CEP112: variants seen among roughly 807,000 people sequenced by gnomAD.
CEP112 encodes the protein centrosomal protein of 112 kDa.
Under a neutral mutation model 153.0 loss-of-function variants are expected in CEP112, and 127 were observed. The ratio of observed to expected loss-of-function variants is 0.83; its 90% confidence interval spans 0.72 to 0.96. CEP112 has a LOEUF of 0.96. Ranked by LOEUF, CEP112 falls within the 40% of genes least tolerant of loss-of-function variation. The probability of loss-of-function intolerance (pLI) is 0.00; values close to 1 mark genes in which losing one functional copy is unlikely to be tolerated. For synonymous variants in CEP112, 358 were observed against 374.4 expected (o/e 0.96, Z 0.51); for missense variants, 1,089 against 1,101.2 (o/e 0.99, Z 0.16).
chr17:66,120,015 T>C (rs1431179833), intron 6 of CEP112, among the ~76,000 whole-genome samples: 1 of 152,226 alleles, frequency 6.6e-6, no homozygotes, highest in Admixed American at 6.5e-5. Context: ...TCTTTATATA[T>C]TCTGGATAAA....
chr17:66,081,712 C>G (rs1179049671), intron 8 of CEP112, among the ~76,000 whole-genome samples: 1 of 151,444 alleles, frequency 6.6e-6, no homozygotes, highest in African/African-American at 2.4e-5. Context: ...GTCAGGAGTT[C>G]AAGACCAGCC....
chr17:65,866,038 G>T (rs927150975), intron 20 of CEP112, among the ~76,000 whole-genome samples: 5 of 152,050 alleles, frequency 3.3e-5, no homozygotes, highest in Non-Finnish European at 5.9e-5. Context: ...TGCTCTAGGG[G>T]TCTAGAAGCA....
chr17:65,755,104 A>G (rs1198347594), intron 21 of CEP112, among the ~76,000 whole-genome samples: 5 of 152,192 alleles, frequency 3.3e-5, no homozygotes, highest in Admixed American at 1.3e-4. Context: ...AAAGAAAAAA[A>G]AATACAAATA....
At chr17:66,090,484 T>C (rs2068092194) in intron 8 of CEP112, among the ~76,000 whole-genome samples, 2 of 152,048 alleles carry the variant, frequency 1.3e-5, no homozygotes, top group Admixed American at 6.6e-5. Context: ...AAATAGCCTG[T>C]CATGAAAATA....
chr17:66,005,801 G>A, intron 16 of CEP112, 32 bp from the exon 17 acceptor site: 2 of 1,572,984 alleles, frequency 1.3e-6, no homozygotes, highest in South Asian at 1.2e-5. Context: ...AAATTTATTG[G>A]AAGACGAGTA....
At chr17:65,893,670 A>G (rs971895518) in intron 20 of CEP112, among the ~76,000 whole-genome samples, 2 of 152,114 alleles carry the variant, frequency 1.3e-5, no homozygotes, top group African/African-American at 4.8e-5. Context: ...TATTTATAAA[A>G]TATTTTCTGT....
intron 21 of CEP112, among the ~76,000 whole-genome samples, chr17:65,801,207 T>C (rs1011419349): frequency 2.6e-5 from 4 of 152,100 alleles, no homozygotes; most frequent in South Asian, 2.1e-4. Flanking sequence ...TACAGGCACA[T>C]GCCACTACAT....
At chr17:65,883,973 T>C (rs955467376) in intron 20 of CEP112, among the ~76,000 whole-genome samples, 1 of 152,068 alleles carries the variant, frequency 6.6e-6, no homozygotes, top group African/African-American at 2.4e-5. Flanking sequence ...GTACGGTACA[T>C]AGGGAGGTTG....
At chr17:65,961,947 T>C (rs577173160) in intron 17 of CEP112, among the ~76,000 whole-genome samples, 2 of 152,350 alleles carry the variant, frequency 1.3e-5, no homozygotes, top group South Asian at 4.1e-4. Flanking sequence ...GAAGTTCTGA[T>C]ACCTGCTACA....
intron 15 of CEP112, 73 bp downstream of exon 15, chr17:66,028,240 C>T (rs1395288119): frequency 3.1e-5 from 26 of 828,262 alleles, no homozygotes; most frequent in Middle Eastern, 2.2e-4. Flanking sequence ...TTTTAATTGA[C>T]TCTCAATGAT....
intron 21 of CEP112, among the ~76,000 whole-genome samples, chr17:65,802,043 G>A (rs1368652522): frequency 6.6e-6 from 1 of 152,142 alleles, no homozygotes; most frequent in Non-Finnish European, 1.5e-5. Flanking sequence ...TAATAGTGGT[G>A]GTGATACTGT....
intron 21 of CEP112, among the ~76,000 whole-genome samples, chr17:65,770,923 C>T (rs145454174): frequency 0.028 from 2,545 of 90,302 alleles, 93 homozygotes; most frequent in African/African-American, 0.097. Context: ...AGCAAGACTC[C>T]GTCTTAAAAA....
At chr17:66,158,057 C>T (rs2071525264) in intron 4 of CEP112, among the ~76,000 whole-genome samples, 1 of 152,162 alleles carries the variant, frequency 6.6e-6, no homozygotes, top group South Asian at 2.1e-4. Context: ...ATCTACAGAA[C>T]TCTCCACCCC....
At chr17:66,038,059 G>A (rs975342330) in intron 12 of CEP112, among the ~76,000 whole-genome samples, 1 of 136,458 alleles carries the variant, frequency 7.3e-6, no homozygotes, top group African/African-American at 2.8e-5. Flanking sequence ...CTGAGATCGC[G>A]CCACTGTACT....
intron 12 of CEP112, among the ~76,000 whole-genome samples, chr17:66,053,267 C>CA (rs143157271): frequency 0.067 from 10,109 of 151,396 alleles, 1,066 homozygotes; most frequent in African/African-American, 0.22. Flanking sequence ...TTTGGGAGGC[C>CA]AAGGAGGGTG....
At chr17:65,822,997 C>G (rs546003720) in intron 21 of CEP112, among the ~76,000 whole-genome samples, 9 of 152,080 alleles carry the variant, frequency 5.9e-5, no homozygotes, top group African/African-American at 2.2e-4. Flanking sequence ...TATCATCTAA[C>G]AAAATATGTG....
chr17:65,769,014 A>C (rs2053176344), intron 21 of CEP112, among the ~76,000 whole-genome samples: 1 of 152,156 alleles, frequency 6.6e-6, no homozygotes. Context: ...TGCAGATGAC[A>C]TGATTGTGTA....
At chr17:66,025,104 A>G (rs2065146708) in intron 16 of CEP112, among the ~76,000 whole-genome samples, 1 of 152,082 alleles carries the variant, frequency 6.6e-6, no homozygotes, top group Non-Finnish European at 1.5e-5. Context: ...AATGAAACTG[A>G]ATCCCTCTCT....
intron 6 of CEP112, among the ~76,000 whole-genome samples, chr17:66,107,119 A>G (rs371237461): frequency 1.1e-4 from 17 of 152,304 alleles, no homozygotes; most frequent in African/African-American, 4.1e-4. Flanking sequence ...AACCTTGAAA[A>G]TTCTGGGAAA....
Sources: allele counts gnomAD v4.1 joint callset (sites outside exome capture counted in the v4.1 genomes callset), GRCh38; gene constraint gnomAD v4.1.1; transcripts MANE v1.5; gene names NCBI Gene and HGNC (gene_info 2026-07-23, HGNC 2026-07-21).